Variants in HRH1 observed in about 807,000 individuals in gnomAD.
HRH1 encodes histamine receptor H1.
HRH1 carries 6 observed loss-of-function variants against 10.3 expected under a neutral mutation model. That is an observed-to-expected ratio of 0.58 (90% CI 0.32 to 1.15). HRH1 has a LOEUF of 1.15. Ranked by LOEUF, HRH1 falls within the 50% of genes most tolerant of loss-of-function variation. The pLI, the probability that HRH1 is intolerant of heterozygous loss-of-function variation, is 0.05. For missense variants in HRH1, 514 were observed against 615.3 expected, an observed-to-expected ratio of 0.84 and a Z score of 1.74; for synonymous variants, 242 against 236.7, an observed-to-expected ratio of 1.02 and a Z score of -0.21.
chr3:11,221,767 C>T (rs1219338974), intron 1 of HRH1, among the ~76,000 whole-genome samples: 3 of 152,086 alleles, frequency 2.0e-5, no homozygotes, highest in African/African-American at 7.2e-5. Context: ...TTCCCGCAGC[C>T]CCCGGCAGCC....
chr3:11,144,679 G>A lies in HRH1; in HGVS notation c.-36+7280G>A, dbSNP rs540680213. On this transcript the variant is annotated intron_variant, in intron 1 of 1. Transcript: ENST00000438284. Reference sequence around the variant, plus strand: ...AACAGGGAGGAGCAGGTCTTCCTGGGACAAACACAGTTCTGACTAAAGCAA... The same window carrying A: ...AACAGGGAGGAGCAGGTCTTCCTGGAACAAACACAGTTCTGACTAAAGCAA... 6.6e-5 allele frequency among the ~76,000 whole-genome samples: 10 copies of A among 151,686 alleles called. No individual in the cohort carries two copies. The East Asian group carries it at 2.0e-3, about 30-fold the overall frequency.
chr3:11,144,503 CACAT>C (rs1303861806), intron 1 of HRH1, among the ~76,000 whole-genome samples: 1 of 3,064 alleles, frequency 3.3e-4, no homozygotes, highest in Non-Finnish European at 5.5e-4. Flanking sequence ...ACACGCCACA[CACAT>C]ACATACACAT....
At chr3:11,161,358 T>C (rs1316737334) in intron 1 of HRH1, among the ~76,000 whole-genome samples, 2 of 152,360 alleles carry the variant, frequency 1.3e-5, no homozygotes, top group Admixed American at 1.3e-4. Flanking sequence ...TTTATTTACT[T>C]GCTAGCTTTT....
intron 1 of HRH1, among the ~76,000 whole-genome samples, chr3:11,183,907 C>T (rs931073010): frequency 2.2e-5 from 3 of 138,400 alleles, no homozygotes; most frequent in Admixed American, 7.8e-5. Flanking sequence ...ATTCCCATGG[C>T]AGGTCCTTGC....
At chr3:11,211,463 C>T (rs558041878) in intron 1 of HRH1, among the ~76,000 whole-genome samples, 11 of 152,326 alleles carry the variant, frequency 7.2e-5, no homozygotes, top group East Asian at 3.9e-4. Context: ...CAAATTAAGA[C>T]GTGAAACAGT....
At chr3:11,166,490 A>G (rs1030195307) in intron 1 of HRH1, among the ~76,000 whole-genome samples, 20 of 152,136 alleles carry the variant, frequency 1.3e-4, no homozygotes, top group African/African-American at 4.1e-4. Context: ...TGAGGCCTAC[A>G]TTGTACTTTC....
intron 1 of HRH1, among the ~76,000 whole-genome samples, chr3:11,203,162 T>A (rs1937994213): frequency 6.6e-6 from 1 of 152,234 alleles, no homozygotes. Context: ...CCAAAGGACA[T>A]CTTACTTGCC....
In HRH1 at chr3:11,235,986, G is replaced by C. The variant is rs370056261; in HGVS notation, c.-35-23017G>C. Among the ~76,000 whole-genome samples the C allele has an allele frequency of 4.9e-3, 741 of 152,262 alleles. 5 individuals carry two copies. Among genetic ancestry groups the C allele is most frequent in the African/African-American group, 0.017 (714 of 41,550 alleles). ...AAAAAAGCCCAGGGAATTCATCACT[G>C]TGTCGCTCATTGGGCCCCAATGTTC... is the stretch of plus-strand genomic sequence containing the variant. On this transcript the variant is annotated intron_variant, in intron 1 of 1. Transcript: ENST00000431010.
intron 1 of HRH1, among the ~76,000 whole-genome samples, chr3:11,160,737 C>T (rs1391792888): frequency 5.9e-5 from 9 of 152,152 alleles, no homozygotes; most frequent in African/African-American, 1.4e-4. Flanking sequence ...CCTCAGGGCA[C>T]GTAACCTGGA....
intron 1 of HRH1, among the ~76,000 whole-genome samples, chr3:11,182,282 C>T (rs573438324): frequency 3.8e-4 from 58 of 152,204 alleles, no homozygotes; most frequent in Admixed American, 1.7e-3. Context: ...GCGCCCGGCC[C>T]GTAAAAATTC....
At chr3:11,168,751 G>A (rs35173110) in intron 1 of HRH1, among the ~76,000 whole-genome samples, 42,199 of 152,132 alleles carry the variant, frequency 0.28, 8,141 homozygotes, top group African/African-American at 0.55. Context: ...CTGGGGGTGC[G>A]GGCTGTATGT....
At position 11,260,572 on chromosome 3, in the gene HRH1, G is replaced by C; in HGVS notation, c.*71G>C. 2 of 1,429,242 alleles carry C rather than the reference G, an allele frequency of 1.4e-6. No individual in the cohort carries two copies. The highest frequency in any genetic ancestry group is 4.6e-5 in the East Asian group (2 of 43,674). 88.5% of individuals were successfully genotyped at this position (1,429,242 alleles called of 1,614,324 possible). A position where few individuals can be genotyped will look rare whatever the true frequency, so the allele number is the denominator to read the frequency against. ...ACAAGGAAATAGAGGACGAAGGCCTGTGTGTTGCCAGGCAGGCACCTGGGC... is the reference window on the plus strand; with the variant it reads ...ACAAGGAAATAGAGGACGAAGGCCTCTGTGTTGCCAGGCAGGCACCTGGGC... On this transcript the variant is annotated 3_prime_UTR_variant, in exon 2 of 2. Coordinates refer to ENST00000431010, the MANE Select transcript of HRH1 (RefSeq NM_001098212.2).
chr3:11,224,564 G>T (rs1938820152), intron 1 of HRH1, among the ~76,000 whole-genome samples: 1 of 152,186 alleles, frequency 6.6e-6, no homozygotes, highest in South Asian at 2.1e-4. Context: ...GCCGAGCATG[G>T]TGGTGGGCAC....
chr3:11,197,875 T>A (rs1937727725), intron 1 of HRH1, among the ~76,000 whole-genome samples: 1 of 152,236 alleles, frequency 6.6e-6, no homozygotes, highest in African/African-American at 2.4e-5. Flanking sequence ...TTGGCAGGTC[T>A]GTGATTGGGA....
chr3:11,219,268 A>T (rs900241035), intron 1 of HRH1, among the ~76,000 whole-genome samples: 6 of 152,210 alleles, frequency 3.9e-5, no homozygotes, highest in African/African-American at 1.2e-4. Context: ...CAAACCTAGC[A>T]CATGAATTAA....
At position 11,260,386 on chromosome 3, in the gene HRH1, A is replaced by T; in HGVS notation, c.1349A>T (p.His450Leu). The T allele has an allele frequency of 6.2e-7, 1 of 1,614,220 alleles. No homozygotes were observed. The highest frequency in any genetic ancestry group is 8.5e-7 in the Non-Finnish European group (1 of 1,180,046). Residue 450 changes from histidine (H) to leucine (L), a missense_variant, in exon 2 of 2, where the codon CAC becomes CTC. Coordinates refer to ENST00000431010, the MANE Select transcript of HRH1 (RefSeq NM_001098212.2). ...AAGAACTGTTGCAATGAACATTTGC[A>T]CATGTTCACCATCTGGCTGGGCTAC... Reference protein sequence around the residue: ...FCKNCCNEHLHMFTIWLGYIN... With the variant: ...FCKNCCNEHLLMFTIWLGYIN...
intron 1 of HRH1, among the ~76,000 whole-genome samples, chr3:11,184,952 G>T (rs1937424328): frequency 6.7e-6 from 1 of 148,172 alleles, no homozygotes. Context: ...GGCTAATTTT[G>T]ATAGGCTCAG....
chr3:11,250,100 T>A (rs1939604646), intron 1 of HRH1, among the ~76,000 whole-genome samples: 1 of 131,826 alleles, frequency 7.6e-6, no homozygotes, highest in Non-Finnish European at 1.5e-5. Context: ...TGGAGTGCAG[T>A]GGCGCGATCT....
chr3:11,205,811 G>A (rs1386093619), intron 1 of HRH1, among the ~76,000 whole-genome samples: 2 of 151,886 alleles, frequency 1.3e-5, no homozygotes, highest in South Asian at 2.1e-4. Flanking sequence ...ACAGGCATGC[G>A]CCACCACACC....
Sources: allele counts gnomAD v4.1 joint callset (sites outside exome capture counted in the v4.1 genomes callset), GRCh38; gene constraint gnomAD v4.1.1; transcripts MANE v1.5; gene names NCBI Gene and HGNC (gene_info 2026-07-23, HGNC 2026-07-21).